HTR2C: variants seen among roughly 807,000 people sequenced by gnomAD.
HTR2C encodes the protein 5-hydroxytryptamine (serotonin) receptor 2C, G protein-coupled.
HTR2C carries 5 observed loss-of-function variants against 21.0 expected under a neutral mutation model. The observed-to-expected ratio is 0.24, with a 90% confidence interval of 0.12 to 0.50. HTR2C has a LOEUF of 0.50. HTR2C is among the 20% of genes least tolerant of loss of function. The probability of loss-of-function intolerance (pLI) is 0.98; values close to 1 mark genes in which losing one functional copy is unlikely to be tolerated. For missense variants in HTR2C, 271 were observed against 371.2 expected (o/e 0.73, Z 2.22); for synonymous variants, 150 against 145.3 (o/e 1.03, Z -0.23).
intron 4 of HTR2C, among the ~76,000 whole-genome samples, chrX:114,830,774 C>A (rs1455106838): frequency 1.0e-5 from 1 of 99,838 alleles, no homozygotes; most frequent in African/African-American, 3.6e-5. Context: ...TATACATGTG[C>A]CATGCTGGTG....
chrX:114,734,139 C>T (rs1273876209), intron 4 of HTR2C, among the ~76,000 whole-genome samples: 1 of 110,657 alleles, frequency 9.0e-6, no homozygotes, highest in Non-Finnish European at 1.9e-5. Flanking sequence ...CAGGAATGAA[C>T]ATAAAAAGCA....
intron 5 of HTR2C, among the ~76,000 whole-genome samples, chrX:114,879,621 C>T (rs1358014822): frequency 9.0e-6 from 1 of 110,530 alleles, no homozygotes; most frequent in Non-Finnish European, 1.9e-5. Flanking sequence ...ATCCTTTCCC[C>T]TGAGTCTCCA....
chrX:114,898,449 C>T (rs925132922), intron 5 of HTR2C, among the ~76,000 whole-genome samples: 1 of 111,833 alleles, frequency 8.9e-6, no homozygotes, highest in East Asian at 2.8e-4. Flanking sequence ...CTTTTGGTGT[C>T]CTCATCTTAA....
intron 1 of HTR2C, among the ~76,000 whole-genome samples, chrX:114,591,395 T>C (rs1479018941): frequency 8.9e-6 from 1 of 111,971 alleles, no homozygotes; most frequent in Non-Finnish European, 1.9e-5. Flanking sequence ...TCTATATCTA[T>C]TTTTAAAATC....
At chrX:114,903,805 A>G (rs782467617) in intron 5 of HTR2C, among the ~76,000 whole-genome samples, 2 of 112,155 alleles carry the variant, frequency 1.8e-5, no homozygotes, top group African/African-American at 6.5e-5. Context: ...AATTGAAGGT[A>G]CATGCCTCAG....
intron 2 of HTR2C, among the ~76,000 whole-genome samples, chrX:114,626,400 A>AG (rs1328672980): frequency 3.3e-4 from 1 of 3,027 alleles, no homozygotes; most frequent in Admixed American, 8.9e-3. Flanking sequence ...AAAAAAAAAA[A>AG]AGAAAAAAAG....
At chrX:114,732,879 G>T (rs982618822) in intron 4 of HTR2C, among the ~76,000 whole-genome samples, 2 of 111,435 alleles carry the variant, frequency 1.8e-5, no homozygotes, top group East Asian at 2.8e-4. Context: ...CTATTCCCCT[G>T]CCCAAATAAA....
chrX:114,887,045 T>TA (rs782036457), intron 5 of HTR2C, among the ~76,000 whole-genome samples: 2 of 112,300 alleles, frequency 1.8e-5, no homozygotes, highest in East Asian at 5.6e-4. Flanking sequence ...CATGCCATAG[T>TA]AAAAAATGTG....
chrX:114,806,325 AC>A (rs1285722378), intron 4 of HTR2C, among the ~76,000 whole-genome samples: 1 of 99,710 alleles, frequency 1.0e-5, no homozygotes, highest in Admixed American at 1.2e-4. Context: ...ACATATATAC[AC>A]CATATATATA....
chrX:114,684,940 G>A (rs1556414021), intron 2 of HTR2C, among the ~76,000 whole-genome samples: 1 of 111,193 alleles, frequency 9.0e-6, no homozygotes, highest in Admixed American at 9.7e-5. Context: ...CAGGTAAGAA[G>A]TTTATATAAA....
intron 4 of HTR2C, among the ~76,000 whole-genome samples, chrX:114,802,824 G>A (rs2070363245): frequency 9.9e-6 from 1 of 101,513 alleles, no homozygotes; most frequent in African/African-American, 3.6e-5. Flanking sequence ...CTGGTGAGTT[G>A]CACCCACTAA....
At chrX:114,605,169 C>T (rs1418011005) in intron 1 of HTR2C, among the ~76,000 whole-genome samples, 25 of 112,137 alleles carry the variant, frequency 2.2e-4, no homozygotes, top group Non-Finnish European at 4.3e-4. Context: ...GGAGCATTAA[C>T]CTTGACTATG....
At chrX:114,694,490 T>G (rs1219982893) in intron 2 of HTR2C, among the ~76,000 whole-genome samples, 2 of 92,589 alleles carry the variant, frequency 2.2e-5, no homozygotes, top group Non-Finnish European at 4.1e-5. Context: ...TATATATATA[T>G]ATACACACAC....
At position 114,633,765 on chromosome X, in the gene HTR2C, TTCTC is replaced by T. The variant is rs782141679; in HGVS notation, c.-80+19892_-80+19895del. Among the ~76,000 whole-genome samples the T allele has an allele frequency of 2.9e-4, 32 of 109,757 alleles. No individual in the cohort carries two copies. The South Asian group carries it at 9.7e-3, about 33-fold the overall frequency. On this transcript the variant is annotated intron_variant, in intron 2 of 5. Coordinates refer to ENST00000276198, the MANE Select transcript of HTR2C (RefSeq NM_000868.4). ...TTTATTAATATGTTCAAAGGCATCA[TTCTC>T]TCTCTCTATATATATATACACATAT...
intron 2 of HTR2C, among the ~76,000 whole-genome samples, chrX:114,641,072 TTTC>T (rs1556406387): frequency 9.4e-6 from 1 of 106,870 alleles, no homozygotes; most frequent in African/African-American, 3.4e-5. Context: ...TTTCTTTTCT[TTTC>T]TTTTCTTTCT....
At chrX:114,670,238 C>CA (rs1217333824) in intron 2 of HTR2C, among the ~76,000 whole-genome samples, 3 of 110,211 alleles carry the variant, frequency 2.7e-5, no homozygotes, top group East Asian at 2.8e-4. Context: ...ACTAAAAATA[C>CA]AAAAAAATTA....
chrX:114,866,108 C>T (rs1037243557), intron 5 of HTR2C, among the ~76,000 whole-genome samples: 4 of 111,621 alleles, frequency 3.6e-5, no homozygotes, highest in East Asian at 2.8e-4. Flanking sequence ...TGAGCCACTG[C>T]GCCTGGCCCC....
At chrX:114,744,864 A>G (rs2069687335) in intron 4 of HTR2C, among the ~76,000 whole-genome samples, 1 of 112,291 alleles carries the variant, frequency 8.9e-6, no homozygotes, top group Non-Finnish European at 1.9e-5. Flanking sequence ...AAAGAAGTAG[A>G]ATCACTGCAA....
chrX:114,594,916 G>A (rs782159304), intron 1 of HTR2C, among the ~76,000 whole-genome samples: 6 of 110,895 alleles, frequency 5.4e-5, no homozygotes, highest in African/African-American at 1.6e-4. Context: ...TCTAACGAAG[G>A]CAACATATAG....
Sources: gnomAD v4.1 joint callset for allele counts (sites outside exome capture counted in the v4.1 genomes callset) on GRCh38, gnomAD v4.1.1 for gene constraint, MANE v1.5 for transcripts, NCBI Gene and HGNC (gene_info 2026-07-23, HGNC 2026-07-21) for gene names.